Variants in CYB5R4 observed in about 807,000 individuals in gnomAD.
CYB5R4 encodes the protein N-terminal cytochrome b5 and cytochrome b5 oxidoreductase domain-containing protein.
Under a neutral mutation model 70.2 loss-of-function variants are expected in CYB5R4, and 55 were observed. The observed-to-expected ratio is 0.78, with a 90% CI of 0.63 to 0.98. The LOEUF is 0.98. Among genes scored for constraint, CYB5R4 ranks in the 50% least tolerant of loss-of-function variants. The probability of loss-of-function intolerance (pLI) is 0.00; values close to 1 mark genes in which losing one functional copy is unlikely to be tolerated. For synonymous variants in CYB5R4, 197 were observed against 199.5 expected, an observed-to-expected ratio of 0.99 and a Z score of 0.11; for missense variants, 562 against 612.6, an observed-to-expected ratio of 0.92 and a Z score of 0.87.
chr6:83,861,689 T>C (rs1471978723), intron 1 of CYB5R4, among the ~76,000 whole-genome samples: 1 of 152,224 alleles, frequency 6.6e-6, no homozygotes, highest in Admixed American at 6.5e-5. Flanking sequence ...CTGTCCAAGG[T>C]CGGTTCCTGC....
At chr6:83,916,932 T>G (rs889907004) in intron 5 of CYB5R4, among the ~76,000 whole-genome samples, 3 of 152,180 alleles carry the variant, frequency 2.0e-5, no homozygotes, top group African/African-American at 7.2e-5. Flanking sequence ...CCTGTATAGT[T>G]TGAAAAATAG....
intron 3 of CYB5R4, among the ~76,000 whole-genome samples, chr6:83,908,154 T>C (rs1357555226): frequency 6.6e-6 from 1 of 152,340 alleles, no homozygotes; most frequent in Non-Finnish European, 1.5e-5. Flanking sequence ...ATTTTTTTAC[T>C]TTTTATTAAT....
At chr6:83,893,699 A>G (rs909903556) in intron 3 of CYB5R4, 77 bp downstream of exon 3, 3 of 850,662 alleles carry the variant, frequency 3.5e-6, no homozygotes, top group South Asian at 1.8e-5. Context: ...TTGTAGAAAG[A>G]AAGGAAATAG....
intron 2 of CYB5R4, among the ~76,000 whole-genome samples, chr6:83,870,580 T>C (rs2099457436): frequency 6.6e-6 from 1 of 152,052 alleles, no homozygotes; most frequent in Non-Finnish European, 1.5e-5. Flanking sequence ...GAACTAATGT[T>C]TTAATTTGTA....
At chr6:83,953,470 A>G (rs1033955556) in intron 14 of CYB5R4, among the ~76,000 whole-genome samples, 3 of 152,008 alleles carry the variant, frequency 2.0e-5, no homozygotes, top group Non-Finnish European at 4.4e-5. Flanking sequence ...TTTAGCTAGA[A>G]AAAAAACAAA....
At chr6:83,926,392 G>T (rs1414822030) in intron 10 of CYB5R4, 1 of 149,104 alleles carries the variant, frequency 6.7e-6, no homozygotes, top group East Asian at 2.0e-4. Flanking sequence ...ATATTAGTTT[G>T]CTAGGACTGC....
At chr6:83,959,142 A>G (rs2099472906) in intron 15 of CYB5R4, among the ~76,000 whole-genome samples, 1 of 152,234 alleles carries the variant, frequency 6.6e-6, no homozygotes, top group African/African-American at 2.4e-5. Context: ...TCCTCAGCTG[A>G]TTAATGAATA....
intron 8 of CYB5R4, 55 bp from the exon 9 acceptor site, chr6:83,922,383 C>T: frequency 6.7e-7 from 1 of 1,489,296 alleles, no homozygotes; most frequent in Non-Finnish European, 9.3e-7. Context: ...ATATGGTGTT[C>T]AAAAACTGTA....
At chr6:83,893,358 G>A (rs2099461427) in intron 2 of CYB5R4, among the ~76,000 whole-genome samples, 164 bp from the exon 3 acceptor site, 1 of 152,184 alleles carries the variant, frequency 6.6e-6, no homozygotes, top group African/African-American at 2.4e-5. Flanking sequence ...GCTTGCAAGT[G>A]TGATGAAATC....
intron 4 of CYB5R4, among the ~76,000 whole-genome samples, chr6:83,911,019 A>G (rs1039120437): frequency 3.3e-5 from 5 of 152,206 alleles, no homozygotes; most frequent in Non-Finnish European, 5.9e-5. Flanking sequence ...TACAAAGATG[A>G]ATAGAAGAAA....
chr6:83,931,258 C>T (rs1261475620), intron 10 of CYB5R4, among the ~76,000 whole-genome samples: 1 of 152,212 alleles, frequency 6.6e-6, no homozygotes, highest in Non-Finnish European at 1.5e-5. Flanking sequence ...TTACTCCATC[C>T]CACATCTTTT....
At chr6:83,893,497 A>G (rs1392770743) in intron 2 of CYB5R4, 25 bp from the exon 3 acceptor site, 1 of 1,367,616 alleles carries the variant, frequency 7.3e-7, no homozygotes, top group South Asian at 1.2e-5. Context: ...CATTTAGGAT[A>G]TTATTTCTGT....
At chr6:83,867,395 G>C (rs2099456902) in intron 2 of CYB5R4, among the ~76,000 whole-genome samples, 1 of 152,206 alleles carries the variant, frequency 6.6e-6, no homozygotes, top group African/African-American at 2.4e-5. Context: ...GGACAACCTT[G>C]AAAGCCAGAC....
chr6:83,880,557 A>G (rs895950019), intron 2 of CYB5R4, among the ~76,000 whole-genome samples: 3 of 152,150 alleles, frequency 2.0e-5, no homozygotes, highest in Admixed American at 2.0e-4. Context: ...ATTATTGTAA[A>G]TGTGGCTATT....
chr6:83,936,331 T>C lies in CYB5R4; in HGVS notation c.1063T>C (p.Tyr355His), dbSNP rs754052886. 6.2e-6 allele frequency: 10 copies of C among 1,612,632 alleles called. No individual in the cohort carries two copies. The East Asian group carries it at 2.0e-4, about 32-fold the overall frequency. ...NKYIYFLIKI[Y>H]PTGLFTPELD... ...ATACATCTACTTTTTGATAAAAATC[T>C]ATCCCACTGGACTCTTCACACCAGA... The change falls in exon 12 of 16, where the codon TAT becomes CAT. Residue 355 changes from tyrosine to histidine, a missense_variant. Transcript: ENST00000369681.
chr6:83,956,734 T>C (rs1043956494), intron 15 of CYB5R4, among the ~76,000 whole-genome samples: 2 of 152,172 alleles, frequency 1.3e-5, no homozygotes, highest in African/African-American at 4.8e-5. Context: ...CAAAGAAACA[T>C]GTTTTGGGGT....
rs985441294 is a variant in CYB5R4 at position 83,962,377 on chromosome 6, G to A, written c.*2499G>A. ...ACCAAATACTGAGGAGCACAGATAGGAGTATAGTTTATCACTGTTATTCTC... is the reference window on the plus strand; with the variant it reads ...ACCAAATACTGAGGAGCACAGATAGAAGTATAGTTTATCACTGTTATTCTC... On this transcript the variant is annotated 3_prime_UTR_variant, in exon 16 of 16. Coordinates refer to ENST00000369681, the MANE Select transcript of CYB5R4 (RefSeq NM_016230.4). 1 of 152,166 alleles carries A rather than the reference G, an allele frequency of 6.6e-6. No homozygotes were observed. The highest frequency in any genetic ancestry group is 2.4e-5 in the African/African-American group (1 of 41,440). The allele number at this position is 152,166 out of a possible 1,614,324, so 9.4% of individuals were successfully genotyped here.
chr6:83,940,182 C>T lies in CYB5R4; in HGVS notation c.1235C>T (p.Ala412Val), dbSNP rs151092938. 47 of 1,608,838 alleles carry T rather than the reference C, an allele frequency of 2.9e-5. No homozygotes were observed. In the African/African-American group the frequency reaches 6.2e-4, roughly 21 times the overall value. ...CCAATGGTTAAAATACTGAATTATG[C>T]TTTGACTGATATACCCAGTCTCAGG... ...FTPMVKILNY[A>V]LTDIPSLRKV... Residue 412 changes from alanine (A) to valine (V), a missense_variant, in exon 13 of 16, where the codon GCT becomes GTT. Physicochemically the swap from Ala to Val is moderately conservative, Grantham distance 64. Transcript: ENST00000369681.
chr6:83,874,483 T>G (rs1051652555), intron 2 of CYB5R4, among the ~76,000 whole-genome samples: 2 of 151,502 alleles, frequency 1.3e-5, no homozygotes, highest in South Asian at 4.2e-4. Flanking sequence ...AATGAGCCAC[T>G]GTGCCAGGCC....
Sources: allele counts gnomAD v4.1 joint callset (sites outside exome capture counted in the v4.1 genomes callset), GRCh38; gene constraint gnomAD v4.1.1; transcripts MANE v1.5; gene names NCBI Gene and HGNC (gene_info 2026-07-23, HGNC 2026-07-21).